PDS5A: variants seen among roughly 807,000 people sequenced by gnomAD.
PDS5A encodes the protein PDS5 cohesin associated factor A.
PDS5A carries 42 observed loss-of-function variants against 167.1 expected under a neutral mutation model. The ratio of observed to expected loss-of-function variants is 0.25; its 90% CI spans 0.20 to 0.33. PDS5A has a LOEUF of 0.33. Ranked by LOEUF, PDS5A falls within the 10% of genes least tolerant of loss-of-function variation. The pLI is 1.00. For missense variants in PDS5A, 1,033 were observed against 1,605.9 expected, an observed-to-expected ratio of 0.64 and a Z score of 6.10; for synonymous variants, 553 against 554.6, an observed-to-expected ratio of 1.00 and a Z score of 0.04.
At chr4:39,833,924 A>G (rs1333651227) in intron 32 of PDS5A, among the ~76,000 whole-genome samples, 1 of 152,252 alleles carries the variant, frequency 6.6e-6, no homozygotes, top group Non-Finnish European at 1.5e-5. Flanking sequence ...CACCCAGATC[A>G]GCTGTAGACA....
chr4:39,831,933 G>A (rs1223432289), intron 32 of PDS5A, among the ~76,000 whole-genome samples: 4 of 138,038 alleles, frequency 2.9e-5, no homozygotes, highest in Non-Finnish European at 6.2e-5. Flanking sequence ...TGCCCAACAC[G>A]GTGAAACCCG....
At chr4:39,895,172 A>T (rs2109633730) in intron 16 of PDS5A, among the ~76,000 whole-genome samples, 1 of 139,122 alleles carries the variant, frequency 7.2e-6, no homozygotes, top group African/African-American at 2.6e-5. Flanking sequence ...ACTGCACTCC[A>T]GCTTGGGCGA....
Position 39,869,374 on chromosome 4 carries a change from C to A in PDS5A, c.2505+20G>T, listed in dbSNP as rs192666413. On this transcript the variant is annotated intron_variant, in intron 22 of 32. Transcript: ENST00000303538. ...TCCCTTTTTTAAACATGAAGATTATCAAGGCCTAAACAAATTTACCTTTGC... is the reference window on the plus strand; with the variant it reads ...TCCCTTTTTTAAACATGAAGATTATAAAGGCCTAAACAAATTTACCTTTGC... 1,206 of 1,427,388 alleles carry A rather than the reference C, an allele frequency of 8.4e-4. 6 individuals are homozygous for A. In the African/African-American group the frequency reaches 0.015, roughly 18 times the overall value. The allele number at this position is 1,427,388 out of a possible 1,614,324, so 88.4% of individuals were successfully genotyped here.
At chr4:39,899,846 T>C (rs1202984432) in intron 14 of PDS5A, among the ~76,000 whole-genome samples, 1 of 125,224 alleles carries the variant, frequency 8.0e-6, no homozygotes, top group Admixed American at 8.3e-5. Context: ...TAAGATCCTG[T>C]GTATTAAAAA....
chr4:39,839,012 A>G (rs1377270568), intron 31 of PDS5A, among the ~76,000 whole-genome samples: 1 of 152,104 alleles, frequency 6.6e-6, no homozygotes, highest in African/African-American at 2.4e-5. Flanking sequence ...TTGCAATAAT[A>G]AAAATATAAA....
intron 17 of PDS5A, among the ~76,000 whole-genome samples, chr4:39,881,371 C>G (rs965060167): frequency 6.6e-6 from 1 of 151,568 alleles, no homozygotes; most frequent in African/African-American, 2.4e-5. Context: ...TTTGAGGACC[C>G]TCCATACTGT....
chr4:39,908,627 T>C (rs1201827186), intron 10 of PDS5A, 87 bp from the exon 11 acceptor site: 45 of 798,062 alleles, frequency 5.6e-5, no homozygotes, highest in Non-Finnish European at 2.0e-6. Flanking sequence ...ATATGTTAAG[T>C]TTTTGTCCAT....
rs1725088244 is a variant in PDS5A at position 39,922,615 on chromosome 4, T to G, written c.654+7A>C. The G allele has an allele frequency of 2.6e-6, 4 of 1,558,034 alleles. No homozygotes were observed. The highest frequency in any genetic ancestry group is 1.4e-5 in the African/African-American group (1 of 72,694). On this transcript the variant is annotated splice_region_variant and intron_variant, in intron 6 of 32. Coordinates refer to ENST00000303538, the MANE Select transcript of PDS5A (RefSeq NM_001100399.2). Reference sequence around the variant, plus strand: ...ATTAACCTTGAATATCTTCATACTTTACAGACCTTATGTGCAGGAATGAGG... The same window carrying G: ...ATTAACCTTGAATATCTTCATACTTGACAGACCTTATGTGCAGGAATGAGG...
At position 39,926,675 on chromosome 4, in the gene PDS5A, T is replaced by C; in HGVS notation, c.429+100A>G. 3 of 815,122 alleles carry C rather than the reference T, an allele frequency of 3.7e-6. No homozygotes were observed. The South Asian group carries it at 7.2e-5, about 20-fold the overall frequency. 50.5% of individuals were successfully genotyped at this position (815,122 alleles called of 1,614,324 possible). A position where few individuals can be genotyped will look rare whatever the true frequency, so the allele number is the denominator to read the frequency against. On this transcript the variant is annotated intron_variant, in intron 4 of 32. Coordinates refer to ENST00000303538, the MANE Select transcript of PDS5A (RefSeq NM_001100399.2). ...GTAAAAGACATTTTATTATAGGCTT[T>C]GAATAAAATAAACACTCATTTTACA...
intron 12 of PDS5A, among the ~76,000 whole-genome samples, chr4:39,902,711 C>G (rs1195367991): frequency 6.6e-6 from 1 of 151,980 alleles, no homozygotes; most frequent in African/African-American, 2.4e-5. Flanking sequence ...TTTGTAGAGA[C>G]AAGGTGTCCC....
intron 26 of PDS5A, among the ~76,000 whole-genome samples, chr4:39,849,948 T>C (rs74380026): frequency 0.013 from 2,010 of 152,204 alleles, 18 homozygotes; most frequent in Non-Finnish European, 0.019. Flanking sequence ...CTCAGCACTT[T>C]GGGTGGCTAA....
At chr4:39,861,896 C>T (rs999197501) in intron 26 of PDS5A, among the ~76,000 whole-genome samples, 10 of 152,122 alleles carry the variant, frequency 6.6e-5, no homozygotes, top group African/African-American at 1.9e-4. Flanking sequence ...AATTATTTCA[C>T]ATACTTCAGT....
chr4:39,869,986 G>C (rs897818693), intron 21 of PDS5A, among the ~76,000 whole-genome samples: 1 of 152,074 alleles, frequency 6.6e-6, no homozygotes, highest in Non-Finnish European at 1.5e-5. Flanking sequence ...GTGCATGCCT[G>C]TAGTCTCAGC....
At chr4:39,933,990 A>G (rs1357445790) in intron 2 of PDS5A, among the ~76,000 whole-genome samples, 1 of 152,218 alleles carries the variant, frequency 6.6e-6, no homozygotes, top group African/African-American at 2.4e-5. Flanking sequence ...GTGTGCGGGC[A>G]GGCACATACA....
At chr4:39,842,938 T>TATATATATA (rs1349599395) in intron 30 of PDS5A, among the ~76,000 whole-genome samples, 62 of 132,924 alleles carry the variant, frequency 4.7e-4, no homozygotes, top group Non-Finnish European at 5.8e-4. Flanking sequence ...TATATATATA[T>TATATATATA]TTTAAGAGAC....
intron 2 of PDS5A, among the ~76,000 whole-genome samples, chr4:39,966,115 G>C (rs1729945282): frequency 6.6e-6 from 1 of 152,106 alleles, no homozygotes; most frequent in South Asian, 2.1e-4. Context: ...ATGATTTTAA[G>C]AAATCTTGCC....
rs554482393 is a variant in PDS5A at position 39,957,783 on chromosome 4, T to C, written c.138+18657A>G. 8.5e-4 allele frequency among the ~76,000 whole-genome samples: 72 copies of C among 84,840 alleles called. 1 individual carries two copies. In the South Asian group the frequency reaches 0.03, roughly 35 times the overall value. The allele number at this position is 84,840 out of a possible 152,430, so 55.7% of individuals were successfully genotyped here. ...GCCTGGGCGACAGTGTGAGACTCCA[T>C]CTCAAAAAAAAAAAAAAAAAAAAGA... On this transcript the variant is annotated intron_variant, in intron 2 of 32. Transcript: ENST00000303538.
intron 2 of PDS5A, among the ~76,000 whole-genome samples, chr4:39,962,804 G>C (rs1186649175): frequency 6.6e-6 from 1 of 151,792 alleles, no homozygotes; most frequent in East Asian, 1.9e-4. Flanking sequence ...TGGCGAGGAA[G>C]AGGGGGAATT....
chr4:39,836,615 ATTTTTTTTTT>A (rs71645192), intron 32 of PDS5A, among the ~76,000 whole-genome samples: 2 of 106,162 alleles, frequency 1.9e-5, no homozygotes, highest in East Asian at 2.8e-4. Flanking sequence ...ATTTTTTTCT[ATTTTTTTTTT>A]TTTTTTTTTT....
Sources: allele counts gnomAD v4.1 joint callset (sites outside exome capture counted in the v4.1 genomes callset), GRCh38; gene constraint gnomAD v4.1.1; transcripts MANE v1.5; gene names NCBI Gene and HGNC (gene_info 2026-07-23, HGNC 2026-07-21).